CCT3: variants seen among roughly 807,000 people sequenced by gnomAD.
CCT3 encodes the protein T-complex protein 1 subunit gamma.
Under a neutral mutation model 65.3 loss-of-function variants are expected in CCT3, and 10 were observed. The observed-to-expected ratio is 0.15, with a 90% CI of 0.09 to 0.26. The LOEUF (loss-of-function observed/expected upper bound fraction) is 0.26, where lower values mean the gene tolerates loss of function less well. CCT3 is among the 10% of genes least tolerant of loss of function. CCT3 has a pLI of 1.00. For synonymous variants in CCT3, 225 were observed against 242.3 expected, an observed-to-expected ratio of 0.93 and a Z score of 0.66; for missense variants, 626 against 708.7, an observed-to-expected ratio of 0.88 and a Z score of 1.33.
intron 1 of CCT3, among the ~76,000 whole-genome samples, chr1:156,336,455 A>G (rs1481188304): frequency 6.6e-6 from 1 of 152,202 alleles, no homozygotes; most frequent in African/African-American, 2.4e-5. Flanking sequence ...AATTAGTGAT[A>G]GCGCCCCCAC....
At chr1:156,309,899 G>A (rs1490542102) in intron 13 of CCT3, among the ~76,000 whole-genome samples, 1 of 151,558 alleles carries the variant, frequency 6.6e-6, no homozygotes, top group Admixed American at 6.6e-5. Context: ...TTAGCCGGGT[G>A]TGGTGGCAGG....
chr1:156,329,881 G>A (rs1665035398), intron 5 of CCT3, among the ~76,000 whole-genome samples: 2 of 151,830 alleles, frequency 1.3e-5, no homozygotes, highest in African/African-American at 4.8e-5. Context: ...AGAGGCTGCA[G>A]TGAGCCAAGA....
rs1665261968 is a variant in CCT3, at chr1:156,334,767, C to G, written c.153G>C (p.Leu51Phe). The G allele has an allele frequency of 6.2e-7, 1 of 1,614,036 alleles. No individual in the cohort carries two copies. The highest frequency in any genetic ancestry group is 2.2e-5 in the East Asian group (1 of 44,878). ...TCATCACAATGCCTCCCATTGGGTC[C>G]AAAAGCATCTAAGATGAAAGCAAAA... The part of the protein sequence containing the change: ...LGPKSMMKML[L>F]DPMGGIVMTN... Residue 51 changes from leucine to phenylalanine, a missense_variant, in exon 4 of 14, where the codon TTG becomes TTC. By Grantham distance (22) the Leu-to-Phe change is conservative. Transcript: ENST00000295688.
intron 10 of CCT3, among the ~76,000 whole-genome samples, chr1:156,314,116 G>A (rs1313794598): frequency 6.8e-6 from 1 of 146,932 alleles, no homozygotes; most frequent in Non-Finnish European, 1.5e-5. Context: ...TCAACATTAT[G>A]AAAGAGAACC....
intron 4 of CCT3, among the ~76,000 whole-genome samples, chr1:156,334,239 C>CA (rs34500374): frequency 0.018 from 2,084 of 118,352 alleles, 30 homozygotes; most frequent in African/African-American, 0.031. Flanking sequence ...GACTCCGTCT[C>CA]AAAAAAAAAA....
intron 10 of CCT3, among the ~76,000 whole-genome samples, 189 bp downstream of exon 10, chr1:156,316,977 A>G (rs1276673543): frequency 1.3e-5 from 2 of 152,220 alleles, no homozygotes; most frequent in South Asian, 4.1e-4. Context: ...GGGGCAGTAC[A>G]GATGAGACTC....
rs1665004854 is a variant in CCT3 at position 156,329,324 on chromosome 1, T to TTTTG, written c.304+4222_304+4223insCAAA. 1.6e-5 allele frequency among the ~76,000 whole-genome samples: 2 copies of TTTTG among 125,580 alleles called. 1 individual carries two copies. The highest frequency in any genetic ancestry group is 5.4e-5 in the African/African-American group (2 of 36,818). 82.4% of individuals were successfully genotyped at this position (125,580 alleles called of 152,430 possible). On this transcript the variant is annotated intron_variant, in intron 5 of 13. Transcript: ENST00000295688. ...CCATCTTTTTTTTTTTTTTTTTTTTTGAGACGGAATCTTGCTCTGTTGCCA... is the reference window on the plus strand; with the variant it reads ...CCATCTTTTTTTTTTTTTTTTTTTTTTTTGGAGACGGAATCTTGCTCTGTTGCCA...
chr1:156,331,214 C>A (rs1021675830), intron 5 of CCT3, among the ~76,000 whole-genome samples: 1 of 151,870 alleles, frequency 6.6e-6, no homozygotes. Flanking sequence ...CTGGGTGACA[C>A]AGCAAGACTC....
chr1:156,335,317 A>C (rs892930457), intron 2 of CCT3: 1 of 190,914 alleles, frequency 5.2e-6, no homozygotes, highest in East Asian at 1.4e-4. Context: ...ATGACTTTTC[A>C]CAAGAATAAG....
intron 13 of CCT3, among the ~76,000 whole-genome samples, chr1:156,310,025 GAT>G (rs1664010738): frequency 1.0e-5 from 1 of 99,110 alleles, no homozygotes; most frequent in Admixed American, 1.4e-4. Flanking sequence ...GCAACGGAGC[GAT>G]AGTCTGTTTC....
At chr1:156,332,400 T>C (rs1001104492) in intron 5 of CCT3, among the ~76,000 whole-genome samples, 1 of 152,206 alleles carries the variant, frequency 6.6e-6, no homozygotes, top group East Asian at 1.9e-4. Context: ...AGGCCAAGAT[T>C]TGAAAAATAA....
At chr1:156,335,484 C>G in intron 2 of CCT3, 1 of 254,796 alleles carries the variant, frequency 3.9e-6, no homozygotes, top group African/African-American at 2.2e-5. Flanking sequence ...GAATATCTAT[C>G]CAAGATCTAC....
At position 156,317,455 on chromosome 1, in the gene CCT3, T is replaced by C. The variant is rs759931713; in HGVS notation, c.852A>G (p.Gln284=). ...YIQQLCEDII[Q]LKPDVVITEK... ...CAGTGATGACCACATCGGGCTTCAGTTGGATAATGTCCTCACAGAGCTGCT... is the reference window on the plus strand; with the variant it reads ...CAGTGATGACCACATCGGGCTTCAGCTGGATAATGTCCTCACAGAGCTGCT... The change falls in exon 9 of 14, where the codon CAA becomes CAG. Residue 284 remains glutamine (Q), a synonymous_variant. Coordinates refer to ENST00000295688, the MANE Select transcript of CCT3 (RefSeq NM_005998.5). 8 of 1,613,846 alleles carry C rather than the reference T, an allele frequency of 5.0e-6. No homozygotes were observed. Among genetic ancestry groups the C allele is most frequent in the Non-Finnish European group, 6.8e-6 (8 of 1,179,826 alleles).
chr1:156,314,032 A>G (rs1255337768), intron 10 of CCT3, among the ~76,000 whole-genome samples: 1 of 149,972 alleles, frequency 6.7e-6, no homozygotes, highest in Non-Finnish European at 1.5e-5. Context: ...GGGTGCAGTG[A>G]GCCAAGATCA....
chr1:156,317,991 C>T (rs1046993852), intron 8 of CCT3, among the ~76,000 whole-genome samples: 2 of 152,066 alleles, frequency 1.3e-5, no homozygotes, highest in East Asian at 1.9e-4. Context: ...GGATTACAGG[C>T]GTGAGCCACC....
intron 13 of CCT3, among the ~76,000 whole-genome samples, chr1:156,310,011 C>T (rs1435898996): frequency 7.7e-6 from 1 of 130,360 alleles, no homozygotes; most frequent in Non-Finnish European, 1.6e-5. Context: ...GCACTCCAGC[C>T]TGGGCAACGG....
chr1:156,337,546 T>A (rs1665467509), intron 1 of CCT3: 2 of 166,368 alleles, frequency 1.2e-5, no homozygotes, highest in South Asian at 2.5e-4. Flanking sequence ...CTAAGATCAG[T>A]GAGGCAAGTA....
At position 156,324,918 on chromosome 1, in the gene CCT3, C is replaced by G. The variant is rs775706802; in HGVS notation, c.422+54G>C. The G allele has an allele frequency of 2.5e-6, 3 of 1,215,036 alleles. No individual in the cohort carries two copies. The Admixed American group carries it at 5.1e-5, about 21-fold the overall frequency. The allele number at this position is 1,215,036 out of a possible 1,614,324, so 75.3% of individuals were successfully genotyped here. A position where few individuals can be genotyped will look rare whatever the true frequency, so the allele number is the denominator to read the frequency against. On this transcript the variant is annotated intron_variant, in intron 6 of 13. Transcript: ENST00000295688. Reference sequence around the variant, plus strand: ...CTGGGATGACAGCCATGAGCCACCACGTCTAGCCAGGCCTCTCATATTTGA... The same window carrying G: ...CTGGGATGACAGCCATGAGCCACCAGGTCTAGCCAGGCCTCTCATATTTGA...
chr1:156,325,220 A>T, intron 5 of CCT3, 131 bp from the exon 6 acceptor site: 1 of 683,184 alleles, frequency 1.5e-6, no homozygotes. Context: ...GGCCATTCAT[A>T]CTATTCCAAA....
Sources: gnomAD v4.1 joint callset for allele counts (sites outside exome capture counted in the v4.1 genomes callset) on GRCh38, gnomAD v4.1.1 for gene constraint, MANE v1.5 for transcripts, NCBI Gene and HGNC (gene_info 2026-07-23, HGNC 2026-07-21) for gene names.